ACSM2B: variants seen among roughly 807,000 people sequenced by gnomAD.
The protein encoded by ACSM2B is acyl-coenzyme A synthetase ACSM2B, mitochondrial.
ACSM2B carries 58 observed loss-of-function variants against 78.6 expected under a neutral mutation model. The ratio of observed to expected loss-of-function variants is 0.74; its 90% CI spans 0.60 to 0.92. The LOEUF (loss-of-function observed/expected upper bound fraction) is 0.92. ACSM2B is among the 40% of genes least tolerant of loss of function. The probability of loss-of-function intolerance (pLI) is 0.00; values close to 1 mark genes in which losing one functional copy is unlikely to be tolerated. For synonymous variants in ACSM2B, 257 were observed against 256.8 expected, an observed-to-expected ratio of 1.00 and a Z score of -0.01; for missense variants, 688 against 711.2, an observed-to-expected ratio of 0.97 and a Z score of 0.37.
At chr16:20,544,227 C>T (rs935635508) in intron 10 of ACSM2B, among the ~76,000 whole-genome samples, 24 of 152,202 alleles carry the variant, frequency 1.6e-4, no homozygotes, top group African/African-American at 5.5e-4. Context: ...CAGTTTTCCT[C>T]ATCTGTATAA....
chr16:20,545,041 C>G lies in ACSM2B; in HGVS notation c.1281+116G>C, dbSNP rs571982448. ...AGCATACATTCTTGAAAACTGGACA[C>G]TCTTTGTCTCCATATCTAATGCCTC... On this transcript the variant is annotated intron_variant, in intron 10 of 13. Transcript: ENST00000329697. The G allele has an allele frequency of 2.5e-4, 339 of 1,364,414 alleles. 1 individual carries two copies. Among genetic ancestry groups the G allele is most frequent in the African/African-American group, 2.4e-3 (166 of 68,406 alleles). 84.5% of individuals were successfully genotyped at this position (1,364,414 alleles called of 1,614,324 possible). A position where few individuals can be genotyped will look rare whatever the true frequency, so the allele number is the denominator to read the frequency against.
intron 6 of ACSM2B, chr16:20,549,908 T>C: frequency 1.3e-5 from 5 of 373,048 alleles, no homozygotes; most frequent in South Asian, 1.0e-4. Flanking sequence ...ATGCCTTAGT[T>C]AAGATAAATA....
chr16:20,575,228 G>A (rs923731670), intron 1 of ACSM2B, among the ~76,000 whole-genome samples: 1 of 151,414 alleles, frequency 6.6e-6, no homozygotes, highest in Non-Finnish European at 1.5e-5. Flanking sequence ...ACCAAAATCT[G>A]TATTAGTCAG....
In ACSM2B at chr16:20,543,217, G is replaced by A; in HGVS notation, c.1327C>T (p.Leu443Phe). The part of the protein sequence containing the change: ...TAANIRGDFW[L>F]LGDRGIKDED... ...TCTTTGATTCCCCGGTCTCCAAGGA[G>A]CCAAAAGTCTCCTCGAATGTTGGCT... The change falls in exon 11 of 14, where the codon CTC becomes TTC. Residue 443 changes from leucine to phenylalanine, a missense_variant. Coordinates refer to ENST00000329697, the MANE Select transcript of ACSM2B (RefSeq NM_001105069.2). 2 of 1,613,828 alleles carry A rather than the reference G, an allele frequency of 1.2e-6. No homozygotes were observed. Among genetic ancestry groups the A allele is most frequent in the East Asian group, 2.2e-5 (1 of 44,888 alleles).
Position 20,548,449 on chromosome 16 carries a change from T to G in ACSM2B, c.919A>C (p.Ser307Arg). 1.9e-6 allele frequency: 3 copies of G among 1,613,632 alleles called. No individual in the cohort carries two copies. Among genetic ancestry groups the G allele is most frequent in the Non-Finnish European group, 2.5e-6 (3 of 1,179,696 alleles). ...TAAACAATAGGGGCACCCATCATAC[T>G]CTTGATTGGATAACTGGAGAGTGTC... ...LKTLSSYPIK[S>R]MMGAPIVYRM... Residue 307 changes from serine to arginine, a missense_variant, in exon 7 of 14, where the codon AGT (serine) becomes CGT (arginine). Physicochemically the swap from Ser to Arg is moderately radical, Grantham distance 110 (BLOSUM62 -1). Coordinates refer to ENST00000329697, the MANE Select transcript of ACSM2B (RefSeq NM_001105069.2).
At chr16:20,566,535 TACTATATA>T (rs1266484623) in intron 1 of ACSM2B, among the ~76,000 whole-genome samples, 1 of 108,170 alleles carries the variant, frequency 9.2e-6, no homozygotes, top group East Asian at 2.4e-4. Flanking sequence ...ATGTTATATA[TACTATATA>T]ACTATATACT....
intron 1 of ACSM2B, among the ~76,000 whole-genome samples, chr16:20,566,709 G>GTATATAC (rs2015883091): frequency 4.7e-4 from 8 of 16,952 alleles, no homozygotes; most frequent in South Asian, 1.9e-3. Context: ...TATATATATA[G>GTATATAC]TATATATAGT....
intron 3 of ACSM2B, among the ~76,000 whole-genome samples, chr16:20,558,045 A>G (rs550105690): frequency 6.6e-6 from 1 of 152,256 alleles, no homozygotes; most frequent in South Asian, 2.1e-4. Context: ...AAAAATAACA[A>G]ATTTGTCACA....
chr16:20,548,137 A>C lies in ACSM2B; in HGVS notation c.1023T>G (p.Leu341=). The change falls in exon 8 of 14, where the codon CTT becomes CTG. Residue 341 remains leucine, a synonymous_variant. Coordinates refer to ENST00000329697, the MANE Select transcript of ACSM2B (RefSeq NM_001105069.2). ...TCCAGTTCTCCAGAGTTTCTGGAAG[A>C]AGGGACTCCCCTCCAGCGAGGCAGT... ...LQNCLAGGES[L]LPETLENWRA... is the part of the protein sequence containing the mutation. 6.2e-7 allele frequency: 1 copy of C among 1,614,050 alleles called. No individual in the cohort carries two copies. The highest frequency in any genetic ancestry group is 8.5e-7 in the Non-Finnish European group (1 of 1,179,932).
intron 13 of ACSM2B, among the ~76,000 whole-genome samples, chr16:20,537,698 C>T (rs2014882798): frequency 6.6e-6 from 1 of 152,186 alleles, no homozygotes; most frequent in Non-Finnish European, 1.5e-5. Context: ...AGGTCCTTGG[C>T]TTTGCTAAGA....
At chr16:20,567,652 A>ATT (rs1021119405) in intron 1 of ACSM2B, among the ~76,000 whole-genome samples, 1 of 137,494 alleles carries the variant, frequency 7.3e-6, no homozygotes, top group African/African-American at 2.7e-5. Flanking sequence ...ATACTATGCT[A>ATT]TTATATATAT....
chr16:20,550,329 T>G (rs2015271561), intron 6 of ACSM2B, among the ~76,000 whole-genome samples: 1 of 152,172 alleles, frequency 6.6e-6, no homozygotes, highest in Non-Finnish European at 1.5e-5. Context: ...ATATAAGCTA[T>G]GAAAATGATC....
rs939549793 is a variant in ACSM2B, at chr16:20,555,577, G to A, written c.389-101C>T. The A allele has an allele frequency of 2.8e-5, 43 of 1,555,152 alleles. No homozygotes were observed. The African/African-American group carries it at 4.6e-4, about 17-fold the overall frequency. On this transcript the variant is annotated intron_variant, in intron 3 of 13. Transcript: ENST00000329697. ...AGCAGGGAGCAAGTGGGGAAGGAGA[G>A]GATGGGGAAGTAATGACCAATGGAG...
At chr16:20,569,284 C>T (rs1435859493) in intron 1 of ACSM2B, among the ~76,000 whole-genome samples, 1 of 151,976 alleles carries the variant, frequency 6.6e-6, no homozygotes, top group African/African-American at 2.4e-5. Context: ...CTACATGTGG[C>T]TTGCCAATTA....
rs566351415 is a variant in ACSM2B, at chr16:20,557,457, C to G, written c.388+1780G>C. On this transcript the variant is annotated intron_variant, in intron 3 of 13. Transcript: ENST00000329697. The stretch of plus-strand genomic sequence containing the variant: ...TTATCTCCATCTCTACTACCTCAAC[C>G]AAACTGAAGCCATCACTAACCGTTC... Among the ~76,000 whole-genome samples the G allele has an allele frequency of 4.6e-5, 7 of 152,160 alleles. No individual in the cohort carries two copies. The South Asian group carries it at 8.3e-4, about 18-fold the overall frequency.
chr16:20,556,716 C>T (rs764423922), intron 3 of ACSM2B, among the ~76,000 whole-genome samples: 2 of 152,182 alleles, frequency 1.3e-5, no homozygotes, highest in Non-Finnish European at 2.9e-5. Context: ...TCACTTTCTT[C>T]CCACTCTCAA....
chr16:20,563,180 A>G (rs2015718359), intron 2 of ACSM2B, among the ~76,000 whole-genome samples: 1 of 152,218 alleles, frequency 6.6e-6, no homozygotes, highest in Non-Finnish European at 1.5e-5. Context: ...TTTGTATTTG[A>G]CTAACAAGAT....
At chr16:20,540,853 G>C (rs1042506968) in intron 12 of ACSM2B, 80 bp from the exon 13 acceptor site, 1 of 1,559,498 alleles carries the variant, frequency 6.4e-7, no homozygotes, top group Admixed American at 1.7e-5. Context: ...TTAGCATTAA[G>C]ACTTGCATCA....
chr16:20,540,309 C>A (rs1439244974), intron 13 of ACSM2B, among the ~76,000 whole-genome samples: 3 of 144,362 alleles, frequency 2.1e-5, no homozygotes, highest in Non-Finnish European at 4.5e-5. Context: ...GTGGCATGAT[C>A]TCGGCTCACT....
Sources: gnomAD v4.1 joint callset for allele counts (sites outside exome capture counted in the v4.1 genomes callset) on GRCh38, gnomAD v4.1.1 for gene constraint, MANE v1.5 for transcripts, NCBI Gene and HGNC (gene_info 2026-07-23, HGNC 2026-07-21) for gene names.